CDC42EP1: variants seen among roughly 807,000 people sequenced by gnomAD.
The protein encoded by CDC42EP1 is CDC42 effector protein 1.
A neutral mutation model predicts 7.4 loss-of-function variants in CDC42EP1; 6 were observed. That is an observed-to-expected ratio of 0.81 (90% CI 0.44 to 1.60). CDC42EP1 has a LOEUF of 1.60. Among genes scored for constraint, CDC42EP1 ranks in the 40% most tolerant of loss-of-function variants. The pLI is 0.01. For missense variants in CDC42EP1, 567 were observed against 539.0 expected, an observed-to-expected ratio of 1.05 and a Z score of -0.51; for synonymous variants, 238 against 227.1, an observed-to-expected ratio of 1.05 and a Z score of -0.43.
Position 37,566,675 on chromosome 22 carries a change from C to A in CDC42EP1, c.326C>A (p.Pro109Gln). The A allele has an allele frequency of 1.9e-6, 3 of 1,609,952 alleles. No individual in the cohort carries two copies. In the South Asian group the frequency reaches 3.3e-5, roughly 18 times the overall value. The change falls in exon 2 of 3, where the codon CCA becomes CAA. Residue 109 changes from proline to glutamine, a missense_variant. Pro to Gln is a moderately conservative substitution (Grantham distance 76). Coordinates refer to ENST00000249014, the MANE Select transcript of CDC42EP1 (RefSeq NM_152243.3). This position sits in a 1 kb window ranked among gnomAD's most constrained non-coding sequence, Gnocchi z 6.4. ...TCTCCCCCTGCACCCTCCCCGGCTC[C>A]ACCGGCCATCTCCCCCATCATCAAG... ...MASPPAPSPAPPAISPIIKNA... is the reference protein window; with the variant it reads ...MASPPAPSPAQPAISPIIKNA...
rs1473790425 is a variant in CDC42EP1, at chr22:37,560,520, C to G, written c.-347C>G. 1.3e-5 allele frequency: 2 copies of G among 149,662 alleles called. No homozygotes were observed. Among genetic ancestry groups the G allele is most frequent in the Non-Finnish European group, 3.0e-5 (2 of 67,068 alleles). 9.3% of individuals were successfully genotyped at this position (149,662 alleles called of 1,614,324 possible). On this transcript the variant is annotated 5_prime_UTR_variant, in exon 1 of 3. Coordinates refer to ENST00000249014, the MANE Select transcript of CDC42EP1 (RefSeq NM_152243.3). ...GACTCTCCCGGGCTGCCAGCCGGGA[C>G]GCGCGGCCGCCGCCGCTGCAGACGA... is the stretch of plus-strand genomic sequence containing the variant.
intron 2 of CDC42EP1, among the ~76,000 whole-genome samples, chr22:37,567,115 C>T (rs1034152388): frequency 1.3e-5 from 2 of 152,204 alleles, no homozygotes; most frequent in Non-Finnish European, 2.9e-5. Context: ...TTCTTGCCCC[C>T]TTCAACCAAA....
In CDC42EP1 at chr22:37,566,328, C is replaced by G; in HGVS notation, c.-22C>G. On this transcript the variant is annotated 5_prime_UTR_variant, in exon 2 of 3. Transcript: ENST00000249014. This position sits in a 1 kb window ranked among gnomAD's most constrained non-coding sequence, Gnocchi z 6.4. Reference sequence around the variant, plus strand: ...CCGGCCCCTGGTAGGCATGGACTAGCAGCTGTGAGCAGCCAGAGCTGATGC... The same window carrying G: ...CCGGCCCCTGGTAGGCATGGACTAGGAGCTGTGAGCAGCCAGAGCTGATGC... The G allele has an allele frequency of 7.4e-7, 1 of 1,343,786 alleles. No homozygotes were observed. Among genetic ancestry groups the G allele is most frequent in the Non-Finnish European group, 9.8e-7 (1 of 1,018,088 alleles). 83.2% of individuals were successfully genotyped at this position (1,343,786 alleles called of 1,614,324 possible).
rs577367746 is a variant in CDC42EP1, at chr22:37,566,876, G to A, written c.463+64G>A. 3 of 1,270,246 alleles carry A rather than the reference G, an allele frequency of 2.4e-6. No homozygotes were observed. Among genetic ancestry groups the A allele is most frequent in the African/African-American group, 1.5e-5 (1 of 66,318 alleles). The allele number at this position is 1,270,246 out of a possible 1,614,324, so 78.7% of individuals were successfully genotyped here. A position where few individuals can be genotyped will look rare whatever the true frequency, so the allele number is the denominator to read the frequency against. Reference sequence around the variant, plus strand: ...TGAGGCTGAGGCCCAGAGGGGTTCAGTGGCTCCTCCAAGCTCCAAGTGAGC... The same window carrying A: ...TGAGGCTGAGGCCCAGAGGGGTTCAATGGCTCCTCCAAGCTCCAAGTGAGC... On this transcript the variant is annotated intron_variant, in intron 2 of 2. Transcript: ENST00000249014. The surrounding 1 kb of genome is among the most constrained non-coding windows in gnomAD (Gnocchi z 6.4).
chr22:37,566,690 C>G lies in CDC42EP1; in HGVS notation c.341C>G (p.Pro114Arg). The change falls in exon 2 of 3, where the codon CCC becomes CGC. Residue 114 changes from proline (P) to arginine (R), a missense_variant. Coordinates refer to ENST00000249014, the MANE Select transcript of CDC42EP1 (RefSeq NM_152243.3). This position sits in a 1 kb window ranked among gnomAD's most constrained non-coding sequence, Gnocchi z 6.4. The stretch of plus-strand genomic sequence containing the variant: ...TCCCCGGCTCCACCGGCCATCTCCC[C>G]CATCATCAAGAACGCCATCTCCCTG... Reference protein sequence around the residue: ...APSPAPPAISPIIKNAISLPQ... With the variant: ...APSPAPPAISRIIKNAISLPQ... 6.2e-7 allele frequency: 1 copy of G among 1,611,934 alleles called. No homozygotes were observed. Among genetic ancestry groups the G allele is most frequent in the Non-Finnish European group, 8.5e-7 (1 of 1,178,788 alleles).
At position 37,566,087 on chromosome 22, in the gene CDC42EP1, C is replaced by T. The variant is rs1416555904; in HGVS notation, c.-263C>T. On this transcript the variant is annotated 5_prime_UTR_variant, in exon 2 of 3. Coordinates refer to ENST00000249014, the MANE Select transcript of CDC42EP1 (RefSeq NM_152243.3). The surrounding 1 kb of genome is among the most constrained non-coding windows in gnomAD (Gnocchi z 6.4). ...TTCCTTCCAGGTCTCCACCTCTGGG[C>T]AGGAGAGTTGCCGACCACCTCGGGG... 2 of 375,402 alleles carry T rather than the reference C, an allele frequency of 5.3e-6. No homozygotes were observed. The highest frequency in any genetic ancestry group is 9.4e-5 in the South Asian group (1 of 10,592). The allele number at this position is 375,402 out of a possible 1,614,324, so 23.3% of individuals were successfully genotyped here. A position where few individuals can be genotyped will look rare whatever the true frequency, so the allele number is the denominator to read the frequency against.
intron 1 of CDC42EP1, among the ~76,000 whole-genome samples, chr22:37,564,240 G>A (rs1171720624): frequency 6.6e-6 from 1 of 151,716 alleles, no homozygotes; most frequent in Non-Finnish European, 1.5e-5. Flanking sequence ...AGGGGAGGAT[G>A]TGTGTGTGTG....
intron 1 of CDC42EP1, among the ~76,000 whole-genome samples, chr22:37,565,220 C>T (rs8138909): frequency 0.078 from 9,399 of 120,476 alleles, 935 homozygotes; most frequent in African/African-American, 0.24. Context: ...CAAGGTCTTG[C>T]TCTGTCTCCC....
chr22:37,566,396 G>T lies in CDC42EP1; in HGVS notation c.47G>T (p.Gly16Val). 6.3e-7 allele frequency: 1 copy of T among 1,585,714 alleles called. No homozygotes were observed. Among genetic ancestry groups the T allele is most frequent in the Non-Finnish European group, 8.6e-7 (1 of 1,163,954 alleles). The change falls in exon 2 of 3, where the codon GGC becomes GTC. Residue 16 changes from glycine (G) to valine (V), a missense_variant. Gly to Val is a moderately radical substitution (Grantham distance 109). Transcript: ENST00000249014. The surrounding 1 kb of genome is among the most constrained non-coding windows in gnomAD (Gnocchi z 6.4). Reference sequence around the variant, plus strand: ...AGAGGCGCCGCCACCATGAGCCTGGGCAAGCTCTCGCCTGTGGGCTGGGTG... The same window carrying T: ...AGAGGCGCCGCCACCATGAGCCTGGTCAAGCTCTCGCCTGTGGGCTGGGTG... ...GGRGAATMSL[G>V]KLSPVGWVSS...
Position 37,568,419 on chromosome 22 carries a change from C to A in CDC42EP1, c.775C>A (p.Pro259Thr). 2.8e-6 allele frequency: 1 copy of A among 356,184 alleles called. No homozygotes were observed. Among genetic ancestry groups the A allele is most frequent in the Non-Finnish European group, 4.7e-6 (1 of 214,816 alleles). The allele number at this position is 356,184 out of a possible 1,614,324, so 22.1% of individuals were successfully genotyped here. Residue 259 changes from proline to threonine, a missense_variant, in exon 3 of 3, where the codon CCC becomes ACC. By Grantham distance (38) the Pro-to-Thr change is conservative. Coordinates refer to ENST00000249014, the MANE Select transcript of CDC42EP1 (RefSeq NM_152243.3). Reference protein sequence around the residue: ...TANPPAPAANPSAPAATPTGP... With the variant: ...TANPPAPAANTSAPAATPTGP... ...AAACCCCCCAGCGCCTGCTGCAAAC[C>A]CCTCAGCACCTGCCGCAACCCCCAC...
At chr22:37,563,414 C>A (rs759187470) in intron 1 of CDC42EP1, among the ~76,000 whole-genome samples, 1 of 151,938 alleles carries the variant, frequency 6.6e-6, no homozygotes, top group Admixed American at 6.6e-5. Context: ...AACTGTGGAT[C>A]GCTTCAGAAC....
intron 2 of CDC42EP1, among the ~76,000 whole-genome samples, chr22:37,567,134 C>T (rs992798140): frequency 2.0e-5 from 3 of 152,156 alleles, no homozygotes; most frequent in Admixed American, 1.3e-4. Flanking sequence ...AAGCCTTCCC[C>T]TCATGTCGGA....
chr22:37,561,703 G>T (rs1334859797), intron 1 of CDC42EP1, among the ~76,000 whole-genome samples: 1 of 152,190 alleles, frequency 6.6e-6, no homozygotes, highest in Non-Finnish European at 1.5e-5. Context: ...AGCGGTGGGG[G>T]GGGGCGTCAC....
rs772839791 is a variant in CDC42EP1 at position 37,566,769 on chromosome 22, C to T, written c.420C>T (p.Phe140=). Residue 140 remains phenylalanine, a synonymous_variant, in exon 2 of 3, where the codon TTC becomes TTT. Coordinates refer to ENST00000249014, the MANE Select transcript of CDC42EP1 (RefSeq NM_152243.3). This position sits in a 1 kb window ranked among gnomAD's most constrained non-coding sequence, Gnocchi z 6.4. ...GCCTCGTGGTTGGCAAGCTCAGCTT[C>T]GACAGCAGCCCCACCAGCTCCACGG... ...YDSLVVGKLS[F]DSSPTSSTDG... The T allele has an allele frequency of 1.1e-5, 17 of 1,587,900 alleles. No homozygotes were observed. In the Middle Eastern group the frequency reaches 5.0e-4, roughly 47 times the overall value.
At chr22:37,567,213 G>A (rs1925277746) in intron 2 of CDC42EP1, among the ~76,000 whole-genome samples, 1 of 152,114 alleles carries the variant, frequency 6.6e-6, no homozygotes, top group Non-Finnish European at 1.5e-5. Flanking sequence ...ATTTCAGGAA[G>A]TCAGTTGACC....
chr22:37,563,522 G>A (rs891582941), intron 1 of CDC42EP1: 4 of 152,180 alleles, frequency 2.6e-5, no homozygotes, highest in African/African-American at 9.7e-5. Context: ...AGGAGTTAGG[G>A]TTGGGGGAGG....
At chr22:37,561,829 G>A (rs549227318) in intron 1 of CDC42EP1, among the ~76,000 whole-genome samples, 1 of 152,234 alleles carries the variant, frequency 6.6e-6, no homozygotes, top group African/African-American at 2.4e-5. Context: ...TGAATGCCAG[G>A]GTGCAGCCGC....
chr22:37,565,185 CTTTTTT>C (rs67228684), intron 1 of CDC42EP1, among the ~76,000 whole-genome samples: 1 of 90,906 alleles, frequency 1.1e-5, no homozygotes. Flanking sequence ...TTTTTTTTTC[CTTTTTT>C]TTTTTTTTTT....
Position 37,566,164 on chromosome 22 carries a change from C to A in CDC42EP1, c.-186C>A. 1 of 454,518 alleles carries A rather than the reference C, an allele frequency of 2.2e-6. No homozygotes were observed. Among genetic ancestry groups the A allele is most frequent in the Non-Finnish European group, 3.9e-6 (1 of 258,572 alleles). The allele number at this position is 454,518 out of a possible 1,614,324, so 28.2% of individuals were successfully genotyped here. On this transcript the variant is annotated 5_prime_UTR_variant, in exon 2 of 3. Coordinates refer to ENST00000249014, the MANE Select transcript of CDC42EP1 (RefSeq NM_152243.3). This position sits in a 1 kb window ranked among gnomAD's most constrained non-coding sequence, Gnocchi z 6.4. ...TAGCTGCTTCTGAGGGGCTGGGAGC[C>A]GGGCCCCTGGGAGAGACGAGCCATG...
Sources: allele counts gnomAD v4.1 joint callset (sites outside exome capture counted in the v4.1 genomes callset), GRCh38; gene constraint gnomAD v4.1.1; non-coding constraint Gnocchi (gnomAD v3.1); transcripts MANE v1.5; gene names NCBI Gene and HGNC (gene_info 2026-07-23, HGNC 2026-07-21).